CAPZA1: variants seen among roughly 807,000 people sequenced by gnomAD.
CAPZA1 encodes the protein capping actin protein of muscle Z-line subunit alpha 1, also known as F-actin-capping protein subunit alpha-1.
CAPZA1 carries 10 observed loss-of-function variants against 40.8 expected under a neutral mutation model. The observed-to-expected ratio is 0.25, with a 90% confidence interval of 0.15 to 0.42. The LOEUF (loss-of-function observed/expected upper bound fraction) is 0.42, where lower values mean the gene tolerates loss of function less well. Among genes scored for constraint, CAPZA1 ranks in the 10% least tolerant of loss-of-function variants. CAPZA1 has a pLI of 1.00. For missense variants in CAPZA1, 277 were observed against 353.8 expected, an observed-to-expected ratio of 0.78 and a Z score of 1.74; for synonymous variants, 98 against 115.0, an observed-to-expected ratio of 0.85 and a Z score of 0.95.
In CAPZA1 at chr1:112,645,868, G is replaced by A. The variant is rs1245375650; in HGVS notation, c.40-1342G>A. Among the ~76,000 whole-genome samples the A allele has an allele frequency of 2.6e-5, 4 of 151,388 alleles. No individual in the cohort carries two copies. The South Asian group carries it at 6.3e-4, about 24-fold the overall frequency. The stretch of plus-strand genomic sequence containing the variant: ...TCCCAGCTACTCAGGAGGCTGATGC[G>A]GAAAGATTCCTGAGGTCAGGAGTTG... On this transcript the variant is annotated intron_variant, in intron 1 of 9. Transcript: ENST00000263168.
intron 7 of CAPZA1, among the ~76,000 whole-genome samples, chr1:112,666,750 T>G (rs542018758): frequency 9.9e-5 from 15 of 152,228 alleles, no homozygotes; most frequent in African/African-American, 3.6e-4. Context: ...CTTTAATTAT[T>G]TTAATATTGT....
intron 1 of CAPZA1, among the ~76,000 whole-genome samples, chr1:112,640,659 C>G (rs1014486443): frequency 1.3e-5 from 2 of 152,124 alleles, no homozygotes; most frequent in Admixed American, 6.5e-5. Flanking sequence ...TGCCTCTGCC[C>G]GGCCGCCCCT....
At chr1:112,619,983 G>C in intron 1 of CAPZA1, 100 bp downstream of exon 1, 7 of 976,680 alleles carry the variant, frequency 7.2e-6, no homozygotes, top group Non-Finnish European at 1.1e-5. Flanking sequence ...GGAAAAAGAA[G>C]CTTCTTGGTC....
chr1:112,661,568 TGTTTCTGTTA>T (rs1346802188), intron 7 of CAPZA1, among the ~76,000 whole-genome samples: 2 of 152,268 alleles, frequency 1.3e-5, no homozygotes, highest in Admixed American at 6.5e-5. Context: ...CATACTGTTC[TGTTTCTGTTA>T]ACAAAATATC....
chr1:112,619,943 G>C (rs749414612), intron 1 of CAPZA1, 60 bp downstream of exon 1: 1 of 1,395,102 alleles, frequency 7.2e-7, no homozygotes, highest in Admixed American at 1.9e-5. Context: ...GGCCCGGCCC[G>C]GCTGCGTTGG....
Position 112,630,642 on chromosome 1 carries a change from C to T in CAPZA1, c.39+10759C>T, listed in dbSNP as rs182225974. Among the ~76,000 whole-genome samples the T allele has an allele frequency of 7.8e-4, 118 of 152,158 alleles. 2 individuals carry two copies. The highest frequency in any genetic ancestry group is 6.3e-3 in the Admixed American group (97 of 15,294). On this transcript the variant is annotated intron_variant, in intron 1 of 9. Coordinates refer to ENST00000263168, the MANE Select transcript of CAPZA1 (RefSeq NM_006135.3). ...ATAGAAGTGAGCCACTGCACCCAGC[C>T]GGATTTTTTATTTTTTGAGACGAGA...
chr1:112,638,515 A>C (rs927712862), intron 1 of CAPZA1, among the ~76,000 whole-genome samples: 1 of 152,060 alleles, frequency 6.6e-6, no homozygotes, highest in Admixed American at 6.5e-5. Context: ...GGGTTACACC[A>C]TGTTGGCCAG....
intron 1 of CAPZA1, chr1:112,620,384 C>G (rs1333002757): frequency 6.5e-6 from 1 of 153,224 alleles, no homozygotes; most frequent in African/African-American, 2.4e-5. Context: ...TGTCACGACT[C>G]TTCGACAAGG....
chr1:112,653,087 A>C (rs1671427988), intron 3 of CAPZA1, among the ~76,000 whole-genome samples: 1 of 152,214 alleles, frequency 6.6e-6, no homozygotes, highest in African/African-American at 2.4e-5. Context: ...AAAATAGTGT[A>C]TCAATGGAGG....
intron 7 of CAPZA1, among the ~76,000 whole-genome samples, chr1:112,663,075 C>T (rs1671653192): frequency 6.6e-6 from 1 of 152,160 alleles, no homozygotes; most frequent in Non-Finnish European, 1.5e-5. Context: ...AGCGATTCTC[C>T]TGCCTCAGTC....
chr1:112,665,446 C>T (rs1435887791), intron 7 of CAPZA1, among the ~76,000 whole-genome samples: 1 of 152,042 alleles, frequency 6.6e-6, no homozygotes, highest in African/African-American at 2.4e-5. Context: ...TCCCAAAGTG[C>T]TAGGATTACA....
At chr1:112,631,597 CTT>C (rs1187955571) in intron 1 of CAPZA1, among the ~76,000 whole-genome samples, 1 of 152,188 alleles carries the variant, frequency 6.6e-6, no homozygotes, top group African/African-American at 2.4e-5. Flanking sequence ...CAAAACCGTT[CTT>C]GTTTCCCACT....
rs1671810555 is a variant in CAPZA1, at chr1:112,670,575, G to A, written c.*443G>A. ...TTTTACTGATCCACCAACACCTAAA[G>A]AGGCTATGCTACAGTCTCTAGCTAA... On this transcript the variant is annotated 3_prime_UTR_variant, in exon 10 of 10. Transcript: ENST00000263168. The A allele has an allele frequency of 6.4e-6, 1 of 156,066 alleles. No individual in the cohort carries two copies. The highest frequency in any genetic ancestry group is 1.4e-5 in the Non-Finnish European group (1 of 70,552). 9.7% of individuals were successfully genotyped at this position (156,066 alleles called of 1,614,324 possible).
intron 1 of CAPZA1, among the ~76,000 whole-genome samples, chr1:112,622,452 G>T (rs545169577): frequency 6.6e-6 from 1 of 152,272 alleles, no homozygotes; most frequent in South Asian, 2.1e-4. Context: ...TACATGCTTA[G>T]CAAGACCAAG....
At chr1:112,655,384 CA>C (rs1671475734) in intron 5 of CAPZA1, among the ~76,000 whole-genome samples, 2 of 152,060 alleles carry the variant, frequency 1.3e-5, no homozygotes, top group Admixed American at 1.3e-4. Context: ...GGCTGAGGCA[CA>C]AGAATCACTT....
At chr1:112,664,782 A>G (rs1169351918) in intron 7 of CAPZA1, among the ~76,000 whole-genome samples, 5 of 152,164 alleles carry the variant, frequency 3.3e-5, no homozygotes, top group Non-Finnish European at 7.3e-5. Flanking sequence ...TAAAAATACA[A>G]AAGTTAGCCG....
chr1:112,623,047 G>A (rs951995072), intron 1 of CAPZA1, among the ~76,000 whole-genome samples: 5 of 151,830 alleles, frequency 3.3e-5, no homozygotes, highest in Admixed American at 1.3e-4. Flanking sequence ...CACCACACCC[G>A]GCTAATTTTT....
At chr1:112,639,443 A>C (rs536849822) in intron 1 of CAPZA1, among the ~76,000 whole-genome samples, 2 of 152,300 alleles carry the variant, frequency 1.3e-5, no homozygotes, top group African/African-American at 4.8e-5. Context: ...AACTTAGAAA[A>C]TGGAAGTGAG....
intron 2 of CAPZA1, among the ~76,000 whole-genome samples, chr1:112,649,099 T>A (rs1671338496): frequency 6.6e-6 from 1 of 152,232 alleles, no homozygotes; most frequent in South Asian, 2.1e-4. Context: ...TATGATGTTG[T>A]AGAAACGCCT....
Sources: allele counts gnomAD v4.1 joint callset (sites outside exome capture counted in the v4.1 genomes callset), GRCh38; gene constraint gnomAD v4.1.1; transcripts MANE v1.5; gene names NCBI Gene and HGNC (gene_info 2026-07-23, HGNC 2026-07-21).